The following CD109 variants were observed in gnomAD, a reference collection of about 807,000 sequenced individuals.
CD109 encodes the protein CD109 molecule.
CD109 carries 149 observed loss-of-function variants against 165.8 expected under a neutral mutation model. The observed-to-expected ratio is 0.90, with a 90% confidence interval of 0.79 to 1.03. CD109 has a LOEUF of 1.03. Among genes scored for constraint, CD109 ranks in the 50% least tolerant of loss-of-function variants. The probability of loss-of-function intolerance (pLI) is 0.00; values close to 1 mark genes in which losing one functional copy is unlikely to be tolerated. For missense variants in CD109, 1,712 were observed against 1,677.8 expected, an observed-to-expected ratio of 1.02 and a Z score of -0.36; for synonymous variants, 585 against 592.1, an observed-to-expected ratio of 0.99 and a Z score of 0.18.
At chr6:73,736,125 T>G (rs1246760860) in intron 4 of CD109, among the ~76,000 whole-genome samples, 5 of 152,184 alleles carry the variant, frequency 3.3e-5, no homozygotes, top group African/African-American at 1.2e-4. Flanking sequence ...CATGCAGCAT[T>G]CATCCAAGCC....
chr6:73,811,613 T>C (rs4708091), intron 28 of CD109, among the ~76,000 whole-genome samples: 37,430 of 152,044 alleles, frequency 0.25, 5,234 homozygotes, highest in Admixed American at 0.32. Flanking sequence ...CCATGTTCTT[T>C]TCAGCTGCTC....
intron 5 of CD109, among the ~76,000 whole-genome samples, chr6:73,741,481 G>T (rs989633604): frequency 2.6e-5 from 4 of 152,184 alleles, no homozygotes; most frequent in Non-Finnish European, 5.9e-5. Flanking sequence ...TAAGTTGAGT[G>T]TGGGAATATG....
At chr6:73,754,467 A>G (rs928766217) in intron 5 of CD109, among the ~76,000 whole-genome samples, 8 of 152,210 alleles carry the variant, frequency 5.3e-5, no homozygotes, top group Non-Finnish European at 8.8e-5. Context: ...TCCAGGATTG[A>G]TCAGGGACTG....
chr6:73,779,484 A>G (rs1431669250), intron 15 of CD109, among the ~76,000 whole-genome samples: 1 of 151,888 alleles, frequency 6.6e-6, no homozygotes, highest in Non-Finnish European at 1.5e-5. Flanking sequence ...TCCTGACCTC[A>G]TGATCCGCCC....
At chr6:73,700,649 AG>A in intron 2 of CD109, among the ~76,000 whole-genome samples, 1 of 152,236 alleles carries the variant, frequency 6.6e-6, no homozygotes. Context: ...GCATTTCTTC[AG>A]GGAAGAGTTC....
the CD109 span, among the ~76,000 whole-genome samples, chr6:73,688,990 G>A: frequency 6.6e-6 from 1 of 151,920 alleles, no homozygotes; most frequent in Admixed American, 6.6e-5. Context: ...GGCTGGTCTC[G>A]AACTCCTGAG....
intron 3 of CD109, among the ~76,000 whole-genome samples, chr6:73,723,501 A>G (rs570737609): frequency 3.3e-5 from 5 of 152,310 alleles, no homozygotes. Context: ...CTCTTGTAAA[A>G]TAGAAGACTT....
rs573959601 is a variant in CD109, at chr6:73,734,025, G to T, written c.508-2358G>T. Reference sequence around the variant, plus strand: ...CTTTTCTGGCTGTGACGGGGGTATTGCTCATACTGTACATGGCTGTGTCGT... The same window carrying T: ...CTTTTCTGGCTGTGACGGGGGTATTTCTCATACTGTACATGGCTGTGTCGT... On this transcript the variant is annotated intron_variant, in intron 4 of 32. Transcript: ENST00000287097. Among the ~76,000 whole-genome samples, 79 of 152,320 alleles carry T rather than the reference G, an allele frequency of 5.2e-4. 1 individual carries two copies. Among genetic ancestry groups the T allele is most frequent in the South Asian group, 1.0e-3 (5 of 4,826 alleles).
At chr6:73,680,109 G>A in the CD109 span, among the ~76,000 whole-genome samples, 1 of 152,128 alleles carries the variant, frequency 6.6e-6, no homozygotes, top group Non-Finnish European at 1.5e-5. Context: ...AGAGATATGA[G>A]TGAATTCGTG....
At chr6:73,764,235 C>T (rs968287728) in intron 10 of CD109, among the ~76,000 whole-genome samples, 1 of 152,186 alleles carries the variant, frequency 6.6e-6, no homozygotes, top group Non-Finnish European at 1.5e-5. Flanking sequence ...ATATACTTAA[C>T]TATAACTCAT....
chr6:73,799,397 G>A (rs1173264418), intron 23 of CD109, among the ~76,000 whole-genome samples: 1 of 152,040 alleles, frequency 6.6e-6, no homozygotes, highest in African/African-American at 2.4e-5. Flanking sequence ...ACTATATCAG[G>A]CGGTTCTTGC....
At position 73,792,782 on chromosome 6, in the gene CD109, C is replaced by A; in HGVS notation, c.2858C>A (p.Ala953Asp). Residue 953 changes from alanine (A) to aspartate (D), a missense_variant, in exon 23 of 33, where the codon GCT becomes GAT. Physicochemically the swap from Ala to Asp is moderately radical, Grantham distance 126 (BLOSUM62 -2). Coordinates refer to ENST00000287097, the MANE Select transcript of CD109 (RefSeq NM_133493.5). Reference sequence around the variant, plus strand: ...CTGACAGATAATTTGAAAGAAAAAGCTCTTTCATTTATGAGGCAAGGTAAG... The same window carrying A: ...CTGACAGATAATTTGAAAGAAAAAGATCTTTCATTTATGAGGCAAGGTAAG... ...KQLTDNLKEK[A>D]LSFMRQGYQR... The A allele has an allele frequency of 2.5e-6, 4 of 1,609,194 alleles. No homozygotes were observed. The highest frequency in any genetic ancestry group is 3.4e-6 in the Non-Finnish European group (4 of 1,179,306).
rs757280659 is a variant in CD109, at chr6:73,810,023, C to T, written c.3395C>T (p.Ser1132Phe). 2 of 1,596,204 alleles carry T rather than the reference C, an allele frequency of 1.3e-6. No individual in the cohort carries two copies. The highest frequency in any genetic ancestry group is 1.7e-6 in the Non-Finnish European group (2 of 1,173,872). ...QFWVSSESKL[S>F]DSWQPRSLDI... ...TGGGTGTCATCAGAGTCCAAACTTT[C>T]TGACTCCTGGCAGCCACGCTCCCTG... Residue 1132 changes from serine to phenylalanine, a missense_variant, in exon 27 of 33, where the codon TCT (serine) becomes TTT (phenylalanine). Physicochemically the swap from Ser to Phe is radical, Grantham distance 155 (BLOSUM62 -2). Coordinates refer to ENST00000287097, the MANE Select transcript of CD109 (RefSeq NM_133493.5).
Position 73,763,676 on chromosome 6 carries a change from C to A in CD109, c.1098C>A (p.Phe366Leu). The change falls in exon 10 of 33, where the codon TTC becomes TTA. Residue 366 changes from phenylalanine (F) to leucine (L), a missense_variant. Phe to Leu is a conservative substitution (Grantham distance 22). Transcript: ENST00000287097. Reference sequence around the variant, plus strand: ...CTGTCTTGAAGCCATCTCTCAACTTCACAGCCACTGTAAGTTGGTATATTT... The same window carrying A: ...CTGTCTTGAAGCCATCTCTCAACTTAACAGCCACTGTAAGTTGGTATATTT... ...YTTVLKPSLN[F>L]TATVKVTRAD... is the part of the protein sequence containing the mutation. 6.5e-7 allele frequency: 1 copy of A among 1,539,596 alleles called. No individual in the cohort carries two copies. Among genetic ancestry groups the A allele is most frequent in the Non-Finnish European group, 8.9e-7 (1 of 1,122,042 alleles).
chr6:73,802,255 ATATGTGTG>A lies in CD109; in HGVS notation c.2879-963_2879-956del, dbSNP rs1296700034. Among the ~76,000 whole-genome samples, 185 of 118,288 alleles carry A rather than the reference ATATGTGTG, an allele frequency of 1.6e-3. 2 individuals carry two copies. Among genetic ancestry groups the A allele is most frequent in the African/African-American group, 6.3e-3 (178 of 28,266 alleles). The allele number at this position is 118,288 out of a possible 152,430, so 77.6% of individuals were successfully genotyped here. On this transcript the variant is annotated intron_variant, in intron 23 of 32. Coordinates refer to ENST00000287097, the MANE Select transcript of CD109 (RefSeq NM_133493.5). ...TTCATTGCCACCACTGAGCATGTGT[ATATGTGTG>A]TGTGTGTGTGTGTGTGTGTGTGTGT...
chr6:73,766,247 CA>C (rs1773840564), intron 11 of CD109, 93 bp downstream of exon 11: 1 of 938,690 alleles, frequency 1.1e-6, no homozygotes, highest in Admixed American at 2.3e-5. Context: ...ACTGAAAGTA[CA>C]TAGGAAGTGG....
intron 2 of CD109, among the ~76,000 whole-genome samples, chr6:73,709,140 C>T (rs1771424521): frequency 1.3e-5 from 2 of 152,140 alleles, no homozygotes; most frequent in East Asian, 1.9e-4. Context: ...TTAGGTCTAA[C>T]ATTTAAGTCT....
At chr6:73,695,709 CGT>C (rs141348716), upstream of CD109, 37 of 161,856 alleles carry the variant, frequency 2.3e-4, no homozygotes, top group Non-Finnish European at 3.6e-4. Flanking sequence ...TGTGTGTGTG[CGT>C]GTGTGTGTGT....
intron 21 of CD109, among the ~76,000 whole-genome samples, chr6:73,787,975 GT>G (rs111803855): frequency 3.3e-5 from 5 of 152,158 alleles, no homozygotes; most frequent in Non-Finnish European, 2.9e-5. Flanking sequence ...ACCTCAAAGG[GT>G]TTTTTTCCTT....
Sources: gnomAD v4.1 joint callset for allele counts (sites outside exome capture counted in the v4.1 genomes callset) on GRCh38, gnomAD v4.1.1 for gene constraint, MANE v1.5 for transcripts, NCBI Gene and HGNC (gene_info 2026-07-23, HGNC 2026-07-21) for gene names.